The following NKAIN3 variants were observed in gnomAD, a reference collection of about 807,000 sequenced individuals.
NKAIN3 encodes sodium/potassium-transporting ATPase subunit beta-1-interacting protein 3.
In NKAIN3, 25 loss-of-function variants were observed where a neutral mutation model predicts 30.2. The observed-to-expected ratio is 0.83, with a 90% CI of 0.60 to 1.16. The LOEUF (loss-of-function observed/expected upper bound fraction) is 1.16. NKAIN3 is among the 50% of genes most tolerant of loss of function. The pLI is 0.00. For missense variants in NKAIN3, 225 were observed against 254.1 expected (o/e 0.89, Z 0.78); for synonymous variants, 91 against 89.6 (o/e 1.02, Z -0.09).
chr8:62,729,024 C>CAAAAAAAAAAAAAA (rs71501600), intron 3 of NKAIN3, among the ~76,000 whole-genome samples: 3 of 16,446 alleles, frequency 1.8e-4, no homozygotes, highest in South Asian at 2.9e-3. Context: ...ACAAACAAAC[C>CAAAAAAAAAAAAAA]AAAAAAAAAA....
At chr8:62,803,940 T>G (rs368103483) in intron 4 of NKAIN3, among the ~76,000 whole-genome samples, 2 of 152,056 alleles carry the variant, frequency 1.3e-5, no homozygotes, top group African/African-American at 2.4e-5. Flanking sequence ...ATATCACCAC[T>G]GATCCCACAG....
intron 4 of NKAIN3, among the ~76,000 whole-genome samples, chr8:62,771,796 T>C (rs1466926992): frequency 6.6e-6 from 1 of 152,104 alleles, no homozygotes; most frequent in Non-Finnish European, 1.5e-5. Context: ...ATAGTAGATA[T>C]ACATATTTAT....
At chr8:62,690,719 C>A (rs754409617) in intron 3 of NKAIN3, among the ~76,000 whole-genome samples, 7 of 152,202 alleles carry the variant, frequency 4.6e-5, no homozygotes, top group Non-Finnish European at 1.0e-4. Context: ...GACAGCTGCA[C>A]ACATGCCACA....
At chr8:62,688,017 A>C (rs1813850649) in intron 3 of NKAIN3, among the ~76,000 whole-genome samples, 1 of 152,234 alleles carries the variant, frequency 6.6e-6, no homozygotes, top group Non-Finnish European at 1.5e-5. Context: ...CAGTAAATTA[A>C]AGTTTTAGAG....
At chr8:62,621,014 A>G (rs1482628467) in intron 3 of NKAIN3, among the ~76,000 whole-genome samples, 1 of 152,144 alleles carries the variant, frequency 6.6e-6, no homozygotes, top group Non-Finnish European at 1.5e-5. Context: ...GCCTGGTATT[A>G]ATTCTAGCTG....
chr8:62,700,256 A>G (rs1814291317), intron 3 of NKAIN3, among the ~76,000 whole-genome samples: 1 of 152,218 alleles, frequency 6.6e-6, no homozygotes, highest in Non-Finnish European at 1.5e-5. Context: ...CTCTCAGACA[A>G]TTTTGGAGGT....
chr8:62,506,667 G>A (rs1295567963), intron 1 of NKAIN3, among the ~76,000 whole-genome samples: 6 of 151,622 alleles, frequency 4.0e-5, no homozygotes, highest in Non-Finnish European at 8.8e-5. Context: ...TAGAGACAGG[G>A]TTTCACCATA....
chr8:62,275,856 G>A (rs547361900), intron 1 of NKAIN3, among the ~76,000 whole-genome samples: 6 of 152,098 alleles, frequency 3.9e-5, no homozygotes, highest in Admixed American at 2.6e-4. Context: ...GATGCTTACC[G>A]TTTATTTTCT....
chr8:62,729,024 C>CCAAAAAAAAAACAA (rs745733487), intron 3 of NKAIN3, among the ~76,000 whole-genome samples: 3 of 16,450 alleles, frequency 1.8e-4, no homozygotes, highest in Admixed American at 1.9e-3. Context: ...ACAAACAAAC[C>CCAAAAAAAAAACAA]AAAAAAAAAA....
At chr8:62,957,481 T>C (rs894151634) in intron 6 of NKAIN3, among the ~76,000 whole-genome samples, 5 of 152,198 alleles carry the variant, frequency 3.3e-5, no homozygotes, top group Non-Finnish European at 7.3e-5. Context: ...AGAACAAAGA[T>C]GTCCTCCGTA....
In NKAIN3 at chr8:62,869,085, G is replaced by A. The variant is rs556558612; in HGVS notation, c.472-49368G>A. Among the ~76,000 whole-genome samples, 7 of 152,302 alleles carry A rather than the reference G, an allele frequency of 4.6e-5. No homozygotes were observed. In the South Asian group the frequency reaches 1.2e-3, roughly 27 times the overall value. ...CCTTTGTTGGCATGTCCTCTGAAATGACCTCGGCAAAGAATGCTGTGGAAA... is the reference window on the plus strand; with the variant it reads ...CCTTTGTTGGCATGTCCTCTGAAATAACCTCGGCAAAGAATGCTGTGGAAA... On this transcript the variant is annotated intron_variant, in intron 4 of 6. Transcript: ENST00000623646.
chr8:62,389,504 G>A (rs1443964960), intron 1 of NKAIN3, among the ~76,000 whole-genome samples: 1 of 152,130 alleles, frequency 6.6e-6, no homozygotes, highest in Non-Finnish European at 1.5e-5. Flanking sequence ...ATCAAGCTGA[G>A]GGAATTCTTC....
chr8:62,742,534 C>T (rs1320167529), intron 3 of NKAIN3, among the ~76,000 whole-genome samples: 1 of 152,146 alleles, frequency 6.6e-6, no homozygotes, highest in Non-Finnish European at 1.5e-5. Context: ...GTGGCATATT[C>T]TGCTACCCTG....
chr8:62,555,632 CAG>C (rs1421450496), intron 1 of NKAIN3, among the ~76,000 whole-genome samples: 10 of 151,842 alleles, frequency 6.6e-5, no homozygotes, highest in African/African-American at 2.4e-4. Context: ...GAAAAAAAGA[CAG>C]AGATATACTA....
At position 62,632,162 on chromosome 8, in the gene NKAIN3, G is replaced by T. The variant is rs143228336; in HGVS notation, c.273+42368G>T. Among the ~76,000 whole-genome samples the T allele has an allele frequency of 3.2e-4, 48 of 152,176 alleles. No homozygotes were observed. In the East Asian group the frequency reaches 7.7e-3, roughly 25 times the overall value. Reference sequence around the variant, plus strand: ...TCAGATATGACCCTCTTTCTTACAGGAAGGTGATCCCATAAATAAGAGCAA... The same window carrying T: ...TCAGATATGACCCTCTTTCTTACAGTAAGGTGATCCCATAAATAAGAGCAA... On this transcript the variant is annotated intron_variant, in intron 3 of 6. Transcript: ENST00000623646.
chr8:62,344,023 A>G (rs971613902), intron 1 of NKAIN3, among the ~76,000 whole-genome samples: 112 of 152,068 alleles, frequency 7.4e-4, no homozygotes, highest in Non-Finnish European at 3.4e-4. Flanking sequence ...GAAGACAAGA[A>G]AGCAAACTGG....
chr8:62,257,597 A>C (rs981748135), intron 1 of NKAIN3, among the ~76,000 whole-genome samples: 18 of 152,182 alleles, frequency 1.2e-4, no homozygotes, highest in Admixed American at 7.9e-4. Flanking sequence ...TTAATGCCTT[A>C]CCAAAATAGA....
chr8:62,487,574 C>G (rs1218492377), intron 1 of NKAIN3, among the ~76,000 whole-genome samples: 1 of 152,152 alleles, frequency 6.6e-6, no homozygotes, highest in Non-Finnish European at 1.5e-5. Flanking sequence ...TCCACGTTGT[C>G]TCAATAGCTG....
At chr8:62,940,026 A>G (rs868543393) in intron 5 of NKAIN3, among the ~76,000 whole-genome samples, 1 of 152,134 alleles carries the variant, frequency 6.6e-6, no homozygotes, top group South Asian at 2.1e-4. Flanking sequence ...CGCCTAACAC[A>G]TAAGGACTCA....
Sources: gnomAD v4.1 joint callset for allele counts (sites outside exome capture counted in the v4.1 genomes callset) on GRCh38, gnomAD v4.1.1 for gene constraint, MANE v1.5 for transcripts, NCBI Gene and HGNC (gene_info 2026-07-23, HGNC 2026-07-21) for gene names.